Variants in ANKRD30BL observed in about 807,000 individuals in gnomAD.
The protein encoded by ANKRD30BL is putative ankyrin repeat domain-containing protein 30B-like.
A neutral mutation model predicts 18.4 loss-of-function variants in ANKRD30BL; 20 were observed. The observed-to-expected ratio is 1.09, with a 90% CI of 0.77 to 1.58. The LOEUF is 1.58. Ranked by LOEUF, ANKRD30BL falls within the 40% of genes most tolerant of loss-of-function variation. ANKRD30BL has a pLI of 0.00. For synonymous variants in ANKRD30BL, 72 were observed against 100.9 expected, an observed-to-expected ratio of 0.71 and a Z score of 1.72; for missense variants, 224 against 268.6, an observed-to-expected ratio of 0.83 and a Z score of 1.16.
intron 1 of ANKRD30BL, among the ~76,000 whole-genome samples, chr2:132,180,276 A>G (rs1325134960): frequency 1.4e-5 from 2 of 147,522 alleles, no homozygotes; most frequent in Non-Finnish European, 3.0e-5. Flanking sequence ...AATACCTACC[A>G]CTGTGTTACA....
chr2:132,208,959 A>G (rs1364483399), intron 1 of ANKRD30BL, among the ~76,000 whole-genome samples: 3 of 152,108 alleles, frequency 2.0e-5, no homozygotes, highest in Non-Finnish European at 4.4e-5. Context: ...TAGTGTCTGC[A>G]AGTGGATATT....
intron 1 of ANKRD30BL, among the ~76,000 whole-genome samples, chr2:132,233,725 A>G (rs1315027019): frequency 6.9e-6 from 1 of 145,984 alleles, no homozygotes; most frequent in Non-Finnish European, 1.5e-5. Context: ...AGACTCCCAC[A>G]CATTAATAAT....
intron 4 of ANKRD30BL, chr2:132,153,459 T>C: frequency 2.2e-6 from 1 of 445,840 alleles, no homozygotes; most frequent in South Asian, 1.7e-5. Flanking sequence ...GCTTTTTGCC[T>C]AGTTTCTGGC....
intron 1 of ANKRD30BL, among the ~76,000 whole-genome samples, chr2:132,177,956 C>T (rs182690419): frequency 1.8e-4 from 28 of 152,132 alleles, no homozygotes; most frequent in South Asian, 8.3e-4. Flanking sequence ...TTACCTATAA[C>T]TAGCATTAGA....
intron 1 of ANKRD30BL, among the ~76,000 whole-genome samples, chr2:132,213,268 T>G (rs560503439): frequency 2.8e-4 from 42 of 151,874 alleles, no homozygotes; most frequent in Non-Finnish European, 6.1e-4. Context: ...AGTGGACATT[T>G]GGAGCGATTT....
intron 1 of ANKRD30BL, among the ~76,000 whole-genome samples, chr2:132,254,360 G>T (rs144595072): frequency 3.3e-5 from 5 of 152,150 alleles, no homozygotes; most frequent in African/African-American, 1.2e-4. Flanking sequence ...TGATCCCTCC[G>T]CAGGTTCACC....
chr2:132,160,229 G>A (rs1040674592), intron 1 of ANKRD30BL, among the ~76,000 whole-genome samples: 9 of 151,830 alleles, frequency 5.9e-5, no homozygotes, highest in Non-Finnish European at 1.3e-4. Context: ...AGCCTCCCGA[G>A]TAGATGGGCT....
chr2:132,234,986 C>G (rs1432504717), intron 1 of ANKRD30BL, among the ~76,000 whole-genome samples: 2 of 152,136 alleles, frequency 1.3e-5, no homozygotes, highest in African/African-American at 2.4e-5. Context: ...AGCTTATCCA[C>G]CATGATCAAG....
intron 1 of ANKRD30BL, among the ~76,000 whole-genome samples, chr2:132,159,889 T>A (rs1195460228): frequency 3.3e-5 from 5 of 152,156 alleles, no homozygotes; most frequent in South Asian, 4.1e-4. Flanking sequence ...ATTAAAAAAA[T>A]TTAATCTATA....
chr2:132,255,181 CTTGA>C (rs1338435362), intron 1 of ANKRD30BL, among the ~76,000 whole-genome samples: 1 of 152,214 alleles, frequency 6.6e-6, no homozygotes, highest in East Asian at 1.9e-4. Context: ...GACTTTCGTT[CTTGA>C]TTAATGAAAA....
chr2:132,147,605 C>T lies in ANKRD30BL; in HGVS notation c.*526G>A, dbSNP rs1234200569. 6.5e-6 allele frequency: 1 copy of T among 152,764 alleles called. No individual in the cohort carries two copies. The highest frequency in any genetic ancestry group is 1.5e-5 in the Non-Finnish European group (1 of 68,468). 9.5% of individuals were successfully genotyped at this position (152,764 alleles called of 1,614,324 possible). On this transcript the variant is annotated 3_prime_UTR_variant, in exon 6 of 6. Coordinates refer to ENST00000409867, the MANE Select transcript of ANKRD30BL (RefSeq NM_001358416.1). Reference sequence around the variant, plus strand: ...CCAGCAACAAGTTTTTACAGCAAGGCAAATTTACTTCTATGGAAGAGTGGT... The same window carrying T: ...CCAGCAACAAGTTTTTACAGCAAGGTAAATTTACTTCTATGGAAGAGTGGT...
intron 1 of ANKRD30BL, among the ~76,000 whole-genome samples, chr2:132,229,316 C>T (rs191604242): frequency 6.6e-6 from 1 of 152,076 alleles, no homozygotes; most frequent in Admixed American, 6.6e-5. Context: ...TTCTGAGAAA[C>T]TTCTTTATAA....
At position 132,161,728 on chromosome 2, in the gene ANKRD30BL, G is replaced by A. The variant is rs1266950553; in HGVS notation, c.-23C>T. 8.4e-7 allele frequency: 1 copy of A among 1,196,482 alleles called. No homozygotes were observed. Among genetic ancestry groups the A allele is most frequent in the African/African-American group, 1.5e-5 (1 of 65,874 alleles). 74.1% of individuals were successfully genotyped at this position (1,196,482 alleles called of 1,614,324 possible). On this transcript the variant is annotated 5_prime_UTR_variant, in exon 1 of 6. Transcript: ENST00000409867. ...CATGGCTGCAGCCACCTGCTAGAGA[G>A]AGCCCGTGCCTCCCGCTGCTCGCCC...
chr2:132,257,533 T>C (rs1680895818), exon 1 of ANKRD30BL: 1 of 227,742 alleles, frequency 4.4e-6, no homozygotes, highest in Admixed American at 5.6e-5. Flanking sequence ...ACTCACCTCA[T>C]CAAGGGGGAA....
At chr2:132,189,234 A>C (rs558364170) in intron 1 of ANKRD30BL, among the ~76,000 whole-genome samples, 4 of 152,370 alleles carry the variant, frequency 2.6e-5, no homozygotes, top group South Asian at 4.1e-4. Flanking sequence ...GTAGGTAGGC[A>C]TAAGTAAGAA....
At chr2:132,170,626 C>G (rs1434218091) in intron 1 of ANKRD30BL, among the ~76,000 whole-genome samples, 1 of 152,168 alleles carries the variant, frequency 6.6e-6, no homozygotes, top group Non-Finnish European at 1.5e-5. Flanking sequence ...ATGAAAATAC[C>G]TATTAAGGAA....
intron 1 of ANKRD30BL, among the ~76,000 whole-genome samples, chr2:132,212,142 C>T (rs1679373269): frequency 6.6e-6 from 1 of 150,854 alleles, no homozygotes; most frequent in Non-Finnish European, 1.5e-5. Flanking sequence ...ATTCATCTCA[C>T]AGTGTTGAAC....
chr2:132,234,823 C>A (rs911243383), intron 1 of ANKRD30BL, among the ~76,000 whole-genome samples: 2 of 152,150 alleles, frequency 1.3e-5, no homozygotes, highest in Non-Finnish European at 2.9e-5. Flanking sequence ...GGAATCCTCC[C>A]TAACTCATTT....
chr2:132,208,939 A>G (rs1679264404), intron 1 of ANKRD30BL, among the ~76,000 whole-genome samples: 1 of 151,770 alleles, frequency 6.6e-6, no homozygotes, highest in Non-Finnish European at 1.5e-5. Context: ...CTTTTGAAAT[A>G]CTCTTTTTGT....
Sources: allele counts gnomAD v4.1 joint callset (sites outside exome capture counted in the v4.1 genomes callset), GRCh38; gene constraint gnomAD v4.1.1; transcripts MANE v1.5; gene names NCBI Gene and HGNC (gene_info 2026-07-23, HGNC 2026-07-21).